SLC61A1: variants seen among roughly 807,000 people sequenced by gnomAD.
The protein encoded by SLC61A1 is solute carrier family 61 member 1, also known as major facilitator superfamily domain containing 5.
At chr12:53,254,352 C>A in the SLC61A1 span, 2 of 771,380 alleles carry the variant, frequency 2.6e-6, no homozygotes, top group Non-Finnish European at 4.1e-6. Context: ...AAGAAGGTGC[C>A]AAAAGTTCCC....
the SLC61A1 span, chr12:53,252,429 G>C: frequency 7.8e-7 from 1 of 1,283,000 alleles, no homozygotes; most frequent in Non-Finnish European, 9.9e-7. Flanking sequence ...AGGGATGCCC[G>C]GGACAGAGGA....
the SLC61A1 span, chr12:53,253,441 G>T: frequency 6.2e-7 from 1 of 1,614,102 alleles, no homozygotes; most frequent in South Asian, 1.1e-5. Flanking sequence ...GGCCTGTAGC[G>T]CCCTTTGTGG....
chr12:53,252,111 A>C, the SLC61A1 span: 4 of 1,448,748 alleles, frequency 2.8e-6, no homozygotes, highest in South Asian at 1.5e-5. Flanking sequence ...TGAAGCCATC[A>C]TGGCGGCGGC....
the SLC61A1 span, chr12:53,252,257 C>T: frequency 7.1e-7 from 1 of 1,402,800 alleles, no homozygotes; most frequent in South Asian, 1.6e-5. Flanking sequence ...TCCCCGCAGA[C>T]CGGGGCAGCA....
the SLC61A1 span, chr12:53,251,736 G>A: frequency 3.5e-5 from 54 of 1,535,504 alleles, no homozygotes; most frequent in Non-Finnish European, 4.7e-5. Flanking sequence ...CTCTTGCATG[G>A]AGGTCACTGC....
the SLC61A1 span, chr12:53,253,536 G>A: frequency 6.2e-7 from 1 of 1,614,188 alleles, no homozygotes; most frequent in Non-Finnish European, 8.5e-7. Flanking sequence ...GCCTTCTCAA[G>A]GACCTGTGCT....
the SLC61A1 span, chr12:53,251,860 G>T: frequency 1.3e-6 from 2 of 1,537,176 alleles, no homozygotes. Flanking sequence ...CCCGAGCACT[G>T]CACGGAAGAA....
the SLC61A1 span, chr12:53,252,821 G>T: frequency 1.2e-6 from 2 of 1,613,124 alleles, no homozygotes; most frequent in South Asian, 1.1e-5. Context: ...TTCCCAGGTC[G>T]TCCGGGGGCC....
the SLC61A1 span, chr12:53,252,280 T>G: frequency 7.2e-7 from 1 of 1,391,772 alleles, no homozygotes; most frequent in Non-Finnish European, 9.2e-7. Flanking sequence ...TGAGGCGGAG[T>G]CTGGGCGAGG....
the SLC61A1 span, chr12:53,253,977 T>A: frequency 6.2e-7 from 1 of 1,614,182 alleles, no homozygotes; most frequent in East Asian, 2.2e-5. Flanking sequence ...CTCAACTGGT[T>A]CCGGGTACCT....
the SLC61A1 span, chr12:53,251,366 C>A: frequency 4.6e-6 from 1 of 217,582 alleles, no homozygotes; most frequent in South Asian, 7.8e-5. Context: ...AATACTTCGG[C>A]TTTTACCCTT....
the SLC61A1 span, chr12:53,251,516 C>T: frequency 2.3e-5 from 13 of 561,754 alleles, no homozygotes; most frequent in Non-Finnish European, 3.4e-5. Flanking sequence ...TTCTTAACCC[C>T]ATGCTGCCAC....
chr12:53,252,623 C>G, the SLC61A1 span: 1 of 1,217,386 alleles, frequency 8.2e-7, no homozygotes, highest in Non-Finnish European at 1.1e-6. Context: ...CTTACCCCTC[C>G]CTGCCCCACA....
At chr12:53,254,014 C>T in the SLC61A1 span, 3 of 1,614,088 alleles carry the variant, frequency 1.9e-6, no homozygotes, top group Non-Finnish European at 2.5e-6. Context: ...GCCTAGGGCT[C>T]CTTGTCCTCC....
chr12:53,252,454 C>A, the SLC61A1 span: 1 of 1,290,316 alleles, frequency 7.8e-7, no homozygotes, highest in Non-Finnish European at 9.8e-7. Flanking sequence ...ACACTGAGGG[C>A]AAAAAGAGGC....
the SLC61A1 span, chr12:53,252,026 C>A: frequency 6.6e-7 from 1 of 1,520,058 alleles, no homozygotes; most frequent in African/African-American, 1.4e-5. Flanking sequence ...GTCAGGAGTT[C>A]CGCGCCCGGG....
chr12:53,252,047 A>T, the SLC61A1 span: 1 of 194,558 alleles, frequency 5.1e-6, no homozygotes, highest in Non-Finnish European at 7.2e-6. Flanking sequence ...TAAGGGAAGG[A>T]GGGCGGGCGG....
At chr12:53,254,173 T>C in the SLC61A1 span, 1 of 1,613,988 alleles carries the variant, frequency 6.2e-7, no homozygotes, top group Admixed American at 1.7e-5. Flanking sequence ...AGGAGCCCTA[T>C]GCCCCTGAGC....
the SLC61A1 span, chr12:53,253,682 A>G: frequency 3.7e-6 from 6 of 1,613,968 alleles, no homozygotes; most frequent in Non-Finnish European, 5.1e-6. Context: ...CCCTCTGGGC[A>G]TTATCTTCTC....
Sources: allele counts gnomAD v4.1 joint callset, GRCh38; gene constraint gnomAD v4.1.1; transcripts MANE v1.5; gene names NCBI Gene and HGNC (gene_info 2026-07-23, HGNC 2026-07-21).